MKNK1: variants seen among roughly 807,000 people sequenced by gnomAD.
MKNK1 encodes MAPK interacting serine/threonine kinase 1, also known as MAP kinase-interacting serine/threonine-protein kinase 1.
A neutral mutation model predicts 49.3 loss-of-function variants in MKNK1; 30 were observed. That is an observed-to-expected ratio of 0.61 (90% CI 0.46 to 0.83). The LOEUF (loss-of-function observed/expected upper bound fraction) is 0.83, where lower values mean the gene tolerates loss of function less well. MKNK1 is among the 40% of genes least tolerant of loss of function. MKNK1 has a pLI of 0.00. For synonymous variants in MKNK1, 176 were observed against 201.7 expected (o/e 0.87, Z 1.08); for missense variants, 423 against 524.7 (o/e 0.81, Z 1.89).
intron 11 of MKNK1, among the ~76,000 whole-genome samples, chr1:46,561,094 C>T (rs922306307): frequency 1.3e-5 from 2 of 152,224 alleles, no homozygotes; most frequent in African/African-American, 4.8e-5. Flanking sequence ...TGCCCCAACT[C>T]GGCCACACAA....
rs1667221758 is a variant in MKNK1, at chr1:46,557,497, A to C, written c.*1078T>G. ...TATAAACGTCTGCCTGACAAATGCA[A>C]ATCTATTTTCTTTATGTAACTCAAT... On this transcript the variant is annotated 3_prime_UTR_variant, in exon 13 of 13. Coordinates refer to ENST00000371945, the MANE Select transcript of MKNK1 (RefSeq NM_001135553.4). 1 of 152,642 alleles carries C rather than the reference A, an allele frequency of 6.6e-6. No individual in the cohort carries two copies. The highest frequency in any genetic ancestry group is 6.5e-5 in the Admixed American group (1 of 15,278). The allele number at this position is 152,642 out of a possible 1,614,324, so 9.5% of individuals were successfully genotyped here.
chr1:46,603,059 G>A (rs1250797871), intron 1 of MKNK1, among the ~76,000 whole-genome samples: 1 of 152,186 alleles, frequency 6.6e-6, no homozygotes, highest in African/African-American at 2.4e-5. Context: ...GGATTACAGA[G>A]AGAGAAGTGT....
At chr1:46,567,160 C>G (rs1184812670) in intron 8 of MKNK1, among the ~76,000 whole-genome samples, 2 of 152,198 alleles carry the variant, frequency 1.3e-5, no homozygotes, top group Admixed American at 6.5e-5. Context: ...CCAGGCTGTT[C>G]TTAAGCTCCT....
chr1:46,566,249 A>C (rs1393208213), intron 8 of MKNK1, among the ~76,000 whole-genome samples: 1 of 152,204 alleles, frequency 6.6e-6, no homozygotes, highest in Admixed American at 6.5e-5. Flanking sequence ...GATTTACACA[A>C]TATTTGTCCT....
At chr1:46,579,929 A>T (rs1462488296) in intron 4 of MKNK1, among the ~76,000 whole-genome samples, 1 of 152,122 alleles carries the variant, frequency 6.6e-6, no homozygotes, top group Non-Finnish European at 1.5e-5. Context: ...TTACCAAATC[A>T]GTCACCTTAG....
chr1:46,574,672 G>C (rs1169652669), intron 6 of MKNK1: 1 of 372,086 alleles, frequency 2.7e-6, no homozygotes, highest in African/African-American at 2.1e-5. Flanking sequence ...GTCAAAACGG[G>C]ATTGATAAAT....
chr1:46,585,687 C>G (rs1474532435), intron 2 of MKNK1: 1 of 420,272 alleles, frequency 2.4e-6, no homozygotes, highest in Admixed American at 2.8e-5. Context: ...GGGCTGGAGG[C>G]ATTATAATTC....
intron 1 of MKNK1, 110 bp from the exon 2 acceptor site, chr1:46,594,390 A>C (rs1231289001): frequency 1.8e-6 from 1 of 556,670 alleles, no homozygotes; most frequent in Non-Finnish European, 3.2e-6. Flanking sequence ...TACCCCACTA[A>C]GTAGATATAC....
chr1:46,568,204 A>T, intron 8 of MKNK1: 1 of 483,476 alleles, frequency 2.1e-6, no homozygotes, highest in Non-Finnish European at 3.7e-6. Flanking sequence ...AATTTTGTGC[A>T]GGTCTCATAT....
intron 8 of MKNK1, among the ~76,000 whole-genome samples, chr1:46,566,271 C>T (rs1006922761): frequency 2.6e-5 from 4 of 152,202 alleles, no homozygotes; most frequent in Non-Finnish European, 4.4e-5. Flanking sequence ...TTATGTTTGG[C>T]TTATTTCACT....
At chr1:46,581,061 T>C (rs910557235) in intron 3 of MKNK1, among the ~76,000 whole-genome samples, 1 of 151,582 alleles carries the variant, frequency 6.6e-6, no homozygotes, top group East Asian at 1.9e-4. Flanking sequence ...ATCTCTAAAA[T>C]ATATATACGC....
chr1:46,581,969 T>C (rs1011003787), intron 3 of MKNK1, among the ~76,000 whole-genome samples: 8 of 152,148 alleles, frequency 5.3e-5, no homozygotes, highest in African/African-American at 1.9e-4. Context: ...CCTTTTCCTC[T>C]TGAGGCACCT....
rs547046455 is a variant in MKNK1, at chr1:46,571,750, A to G, written c.457+313T>C. Among the ~76,000 whole-genome samples the G allele has an allele frequency of 2.0e-5, 3 of 152,296 alleles. No homozygotes were observed. The East Asian group carries it at 5.8e-4, about 29-fold the overall frequency. Reference sequence around the variant, plus strand: ...ATTCCTCACACGATAAGAATCTAAGAAAAGAAACATCATCCACACACAGTC... The same window carrying G: ...ATTCCTCACACGATAAGAATCTAAGGAAAGAAACATCATCCACACACAGTC... On this transcript the variant is annotated intron_variant, in intron 7 of 12. Coordinates refer to ENST00000371945, the MANE Select transcript of MKNK1 (RefSeq NM_001135553.4).
intron 2 of MKNK1, 91 bp from the exon 3 acceptor site, chr1:46,583,420 G>A (rs2148703750): frequency 1.1e-6 from 1 of 908,450 alleles, no homozygotes; most frequent in East Asian, 2.5e-5. Flanking sequence ...TAGTGGGGGA[G>A]GACCCAGGAG....
chr1:46,593,856 A>G (rs1673690887), intron 2 of MKNK1: 3 of 30,880 alleles, frequency 9.7e-5, no homozygotes, highest in South Asian at 6.7e-4. Context: ...ACTCTATCTG[A>G]AAAAAAAAAA....
intron 3 of MKNK1, among the ~76,000 whole-genome samples, chr1:46,582,438 T>C (rs1264791811): frequency 1.3e-5 from 2 of 152,208 alleles, no homozygotes; most frequent in Non-Finnish European, 2.9e-5. Flanking sequence ...TCCCAACCGA[T>C]AAAGTGCTTG....
intron 8 of MKNK1, 79 bp from the exon 9 acceptor site, chr1:46,565,215 G>A: frequency 8.4e-6 from 11 of 1,306,978 alleles, no homozygotes; most frequent in Admixed American, 1.7e-5. Context: ...CTGTACGGGT[G>A]CATGGCTCCG....
chr1:46,559,403 G>T (rs1032333338), intron 12 of MKNK1, among the ~76,000 whole-genome samples: 11 of 152,292 alleles, frequency 7.2e-5, no homozygotes, highest in African/African-American at 2.6e-4. Context: ...CTAAAAGCTG[G>T]CCATGAGGCT....
chr1:46,566,388 A>G (rs1421207576), intron 8 of MKNK1, among the ~76,000 whole-genome samples: 1 of 152,170 alleles, frequency 6.6e-6, no homozygotes, highest in Admixed American at 6.5e-5. Context: ...CATTTTGTTT[A>G]TCTGTTCAGC....
Sources: allele counts gnomAD v4.1 joint callset (sites outside exome capture counted in the v4.1 genomes callset), GRCh38; gene constraint gnomAD v4.1.1; transcripts MANE v1.5; gene names NCBI Gene and HGNC (gene_info 2026-07-23, HGNC 2026-07-21).